The following TGIF1 variants were observed in gnomAD, a reference collection of about 807,000 sequenced individuals.
TGIF1 encodes TGFB induced factor homeobox 1.
A neutral mutation model predicts 19.3 loss-of-function variants in TGIF1; 4 were observed. That is an observed-to-expected ratio of 0.21 (90% CI 0.10 to 0.47). The LOEUF (loss-of-function observed/expected upper bound fraction) is 0.47. Among genes scored for constraint, TGIF1 ranks in the 20% least tolerant of loss-of-function variants. The pLI, the probability that TGIF1 is intolerant of heterozygous loss-of-function variation, is 0.98. For synonymous variants in TGIF1, 122 were observed against 129.3 expected (o/e 0.94, Z 0.38); for missense variants, 275 against 341.4 (o/e 0.81, Z 1.53).
intron 2 of TGIF1, among the ~76,000 whole-genome samples, chr18:3,431,760 GTCATCAAAGTTAA>G (rs780281187): frequency 6.6e-6 from 1 of 152,132 alleles, no homozygotes; most frequent in Non-Finnish European, 1.5e-5. Flanking sequence ...CCTTAACCAA[GTCATCAAAGTTAA>G]TCATCAAAGT....
chr18:3,424,826 TGATATGCCTGGAGC>T (rs1174914380), intron 2 of TGIF1, among the ~76,000 whole-genome samples: 1 of 152,004 alleles, frequency 6.6e-6, no homozygotes, highest in African/African-American at 2.4e-5. Context: ...GCTGGGAGGG[TGATATGCCTGGAGC>T]GGGCACAGAA....
In TGIF1 at chr18:3,458,666, T is replaced by C. The variant is rs570632488; in HGVS notation, c.*726T>C. ...AAATTGAAATGAATCATTTTAGTGT[T>C]TAGCTAGCCACTAAATCCCTTGCTG... On this transcript the variant is annotated 3_prime_UTR_variant, in exon 3 of 3. Coordinates refer to ENST00000343820, the MANE Select transcript of TGIF1 (RefSeq NM_003244.4). 228 of 153,052 alleles carry C rather than the reference T, an allele frequency of 1.5e-3. 1 individual carries two copies. The highest frequency in any genetic ancestry group is 5.3e-3 in the African/African-American group (221 of 41,566). 9.5% of individuals were successfully genotyped at this position (153,052 alleles called of 1,614,324 possible).
Position 3,450,296 on chromosome 18 carries a change from CAA to C in TGIF1, c.-193_-192del, listed in dbSNP as rs978729802. ...CAGAAGATCCCGGCGGGAGGAAGCCCAAGTGTCACTTGAATTCCACCCAAGGA... is the reference window on the plus strand; with the variant it reads ...CAGAAGATCCCGGCGGGAGGAAGCCCGTGTCACTTGAATTCCACCCAAGGA... On this transcript the variant is annotated 5_prime_UTR_variant, in exon 1 of 3. Transcript: ENST00000343820. 2.7e-5 allele frequency: 39 copies of C among 1,444,476 alleles called. No individual in the cohort carries two copies. The highest frequency in any genetic ancestry group is 3.5e-5 in the Non-Finnish European group (38 of 1,100,234). The allele number at this position is 1,444,476 out of a possible 1,614,324, so 89.5% of individuals were successfully genotyped here.
At chr18:3,445,752 A>AAAG (rs1568041600), upstream of TGIF1, among the ~76,000 whole-genome samples, 115 of 115,018 alleles carry the variant, frequency 1.0e-3, 2 homozygotes, top group Middle Eastern at 4.9e-3. Flanking sequence ...AAAAAAAAAA[A>AAAG]AGAGAAGAAA....
At chr18:3,440,911 A>C (rs922098315) in intron 2 of TGIF1, among the ~76,000 whole-genome samples, 1 of 152,248 alleles carries the variant, frequency 6.6e-6, no homozygotes, top group African/African-American at 2.4e-5. Flanking sequence ...CAGGCATACA[A>C]AAATTTTATG....
At chr18:3,453,915 GT>G in intron 1 of TGIF1, 1 of 855,200 alleles carries the variant, frequency 1.2e-6, no homozygotes, top group Non-Finnish European at 1.4e-6. Flanking sequence ...CAAAAGCGCT[GT>G]TACAATAGGA....
chr18:3,436,874 G>C (rs1019998445), intron 2 of TGIF1, among the ~76,000 whole-genome samples: 1 of 151,808 alleles, frequency 6.6e-6, no homozygotes, highest in Non-Finnish European at 1.5e-5. Context: ...GGAGGCCGAG[G>C]TGGGTGGATC....
chr18:3,419,967 T>C (rs527638229), intron 2 of TGIF1, among the ~76,000 whole-genome samples: 1 of 151,298 alleles, frequency 6.6e-6, no homozygotes, highest in East Asian at 2.0e-4. Flanking sequence ...GATCGTGCCA[T>C]TGCACTCCAA....
chr18:3,424,675 C>T (rs1044039340), intron 2 of TGIF1, among the ~76,000 whole-genome samples: 2 of 152,110 alleles, frequency 1.3e-5, no homozygotes, highest in African/African-American at 2.4e-5. Flanking sequence ...CCCCCAGCCT[C>T]GGGGAGGAGA....
intron 2 of TGIF1, among the ~76,000 whole-genome samples, chr18:3,438,792 G>C (rs950736958): frequency 3.9e-5 from 6 of 152,112 alleles, no homozygotes; most frequent in Non-Finnish European, 8.8e-5. Flanking sequence ...GCAAACAGAA[G>C]TGGAAATAAA....
At position 3,456,187 on chromosome 18, in the gene TGIF1, A is replaced by G. The variant is rs1356284594; in HGVS notation, c.17-167A>G. ...AGAGCCTCCTATGTGGTGCTAGTCA[A>G]ACTACTTTTACTTGGACCCTGAATT... is the stretch of plus-strand genomic sequence containing the variant. On this transcript the variant is annotated intron_variant, in intron 1 of 2. Coordinates refer to ENST00000343820, the MANE Select transcript of TGIF1 (RefSeq NM_003244.4). The surrounding 1 kb of genome is among the most constrained non-coding windows in gnomAD (Gnocchi z 4.2). The G allele has an allele frequency of 7.8e-6, 6 of 770,534 alleles. No homozygotes were observed. The highest frequency in any genetic ancestry group is 4.3e-5 in the South Asian group (3 of 69,066). The allele number at this position is 770,534 out of a possible 1,614,324, so 47.7% of individuals were successfully genotyped here. A position where few individuals can be genotyped will look rare whatever the true frequency, so the allele number is the denominator to read the frequency against.
intron 1 of TGIF1, chr18:3,452,042 C>T (rs369819133): frequency 1.1e-5 from 18 of 1,612,428 alleles, no homozygotes; most frequent in Non-Finnish European, 1.5e-5. Context: ...CGGGCTCCGG[C>T]GGGGGCGGCT....
chr18:3,431,182 C>T (rs12954611), intron 2 of TGIF1, among the ~76,000 whole-genome samples: 2,992 of 152,292 alleles, frequency 0.02, 46 homozygotes, highest in Non-Finnish European at 0.029. Flanking sequence ...CGTGGTGGCT[C>T]GCACCTTTAA....
intron 1 of TGIF1, chr18:3,415,378 A>T: frequency 2.0e-5 from 9 of 456,626 alleles, no homozygotes; most frequent in South Asian, 1.4e-4. Flanking sequence ...TCAGAGGCAG[A>T]GTGAGATTCA....
At chr18:3,441,467 G>A (rs567207877) in intron 2 of TGIF1, among the ~76,000 whole-genome samples, 4 of 152,226 alleles carry the variant, frequency 2.6e-5, no homozygotes, top group African/African-American at 4.8e-5. Flanking sequence ...TGTGGTGTGC[G>A]TGGTAGAATG....
rs1036547055 is a variant in TGIF1, at chr18:3,452,762, G to A, written c.16+2257G>A. Among the ~76,000 whole-genome samples, 3 of 152,140 alleles carry A rather than the reference G, an allele frequency of 2.0e-5. No individual in the cohort carries two copies. In the East Asian group the frequency reaches 5.8e-4, roughly 29 times the overall value. On this transcript the variant is annotated intron_variant, in intron 1 of 2. Transcript: ENST00000343820. Reference sequence around the variant, plus strand: ...CTGGAAAGACTCCTGAGGAAGTCGGGCCCTCCTTACTGTCTTGTCTTATAA... The same window carrying A: ...CTGGAAAGACTCCTGAGGAAGTCGGACCCTCCTTACTGTCTTGTCTTATAA...
intron 2 of TGIF1, among the ~76,000 whole-genome samples, chr18:3,430,656 C>T (rs1189681622): frequency 6.6e-6 from 1 of 151,718 alleles, no homozygotes; most frequent in Non-Finnish European, 1.5e-5. Context: ...AGGCCCATGC[C>T]ACCACACCCG....
intron 1 of TGIF1, among the ~76,000 whole-genome samples, chr18:3,413,589 G>A (rs544287867): frequency 1.7e-4 from 25 of 144,852 alleles, no homozygotes; most frequent in South Asian, 1.5e-3. Flanking sequence ...GTTTTTTTTT[G>A]GCCTGGACGG....
Position 3,450,496 on chromosome 18 carries a change from G to C in TGIF1, c.7G>C (p.Gly3Arg). The change falls in exon 1 of 3, where the codon GGC becomes CGC. Residue 3 changes from glycine (G) to arginine (R), a missense_variant. Coordinates refer to ENST00000343820, the MANE Select transcript of TGIF1 (RefSeq NM_003244.4). ...CTGGGAGGGGAGATCCAGAATGAAA[G>C]GCAAGAAAGGTAAGGCGGCCGCGGG... MKGKKGIVAASGS... is the reference protein window; with the variant it reads MKRKKGIVAASGS... 1 of 1,563,544 alleles carries C rather than the reference G, an allele frequency of 6.4e-7. No individual in the cohort carries two copies. The highest frequency in any genetic ancestry group is 8.7e-7 in the Non-Finnish European group (1 of 1,154,244).
Sources: gnomAD v4.1 joint callset for allele counts (sites outside exome capture counted in the v4.1 genomes callset) on GRCh38, gnomAD v4.1.1 for gene constraint, Gnocchi (gnomAD v3.1) non-coding constraint, MANE v1.5 for transcripts, NCBI Gene and HGNC (gene_info 2026-07-23, HGNC 2026-07-21) for gene names.